Variants in RSBN1 observed in about 807,000 individuals in gnomAD.
RSBN1 encodes the protein lysine-specific demethylase 9.
A neutral mutation model predicts 74.8 loss-of-function variants in RSBN1; 23 were observed. The observed-to-expected ratio is 0.31, with a 90% CI of 0.22 to 0.44. The LOEUF is 0.44. RSBN1 is among the 20% of genes least tolerant of loss of function. The pLI is 1.00. For synonymous variants in RSBN1, 407 were observed against 379.6 expected (o/e 1.07, Z -0.84); for missense variants, 808 against 1,020.9 (o/e 0.79, Z 2.84).
chr1:113,786,338 C>T (rs1284320803), intron 2 of RSBN1, among the ~76,000 whole-genome samples: 1 of 152,128 alleles, frequency 6.6e-6, no homozygotes, highest in Non-Finnish European at 1.5e-5. Context: ...AGAACCTAAC[C>T]CCTAGAACCT....
At chr1:113,811,052 G>A (rs1660830259) in intron 1 of RSBN1, among the ~76,000 whole-genome samples, 2 of 152,140 alleles carry the variant, frequency 1.3e-5, no homozygotes, top group African/African-American at 4.8e-5. Flanking sequence ...ACTATCTACT[G>A]CACAAATTCC....
At chr1:113,805,503 ATC>A (rs1390314681) in intron 1 of RSBN1, among the ~76,000 whole-genome samples, 1 of 152,210 alleles carries the variant, frequency 6.6e-6, no homozygotes, top group Non-Finnish European at 1.5e-5. Flanking sequence ...GCATTTAAAT[ATC>A]TCTGTTAAAT....
At chr1:113,774,120 T>C (rs1180328625) in intron 4 of RSBN1, among the ~76,000 whole-genome samples, 1 of 152,080 alleles carries the variant, frequency 6.6e-6, no homozygotes, top group African/African-American at 2.4e-5. Context: ...GACTTGAGGG[T>C]CAGGGGAGGT....
intron 2 of RSBN1, among the ~76,000 whole-genome samples, chr1:113,795,073 G>C (rs41469244): frequency 0.013 from 2,013 of 152,216 alleles, 48 homozygotes; most frequent in African/African-American, 0.046. Context: ...AATTCCCAAC[G>C]ATCTAAAGGG....
intron 1 of RSBN1, among the ~76,000 whole-genome samples, chr1:113,809,013 C>T (rs1280636786): frequency 6.6e-6 from 1 of 151,558 alleles, no homozygotes; most frequent in Admixed American, 6.6e-5. Flanking sequence ...AAGGACTTGA[C>T]TATGTTTGCA....
In RSBN1 at chr1:113,777,195, A is replaced by T. The variant is rs1047739009; in HGVS notation, c.1658+15T>A. The T allele has an allele frequency of 2.5e-6, 4 of 1,598,394 alleles. No individual in the cohort carries two copies. The highest frequency in any genetic ancestry group is 3.4e-6 in the Non-Finnish European group (4 of 1,172,340). On this transcript the variant is annotated intron_variant, in intron 4 of 6. Coordinates refer to ENST00000261441, the MANE Select transcript of RSBN1 (RefSeq NM_018364.5). ...AAAAAGTAGTTTTGCTTATTTGAGA[A>T]AAAGAAATATTTACCGTCGTCTTTT...
chr1:113,785,905 C>T (rs1480340765), intron 2 of RSBN1, among the ~76,000 whole-genome samples: 1 of 152,210 alleles, frequency 6.6e-6, no homozygotes, highest in Non-Finnish European at 1.5e-5. Context: ...TAGAAGATCA[C>T]ATCAAGGATT....
Position 113,763,917 on chromosome 1 carries a change from G to A in RSBN1, c.*2063C>T, listed in dbSNP as rs749685298. 6.6e-6 allele frequency: 1 copy of A among 152,312 alleles called. No homozygotes were observed. The highest frequency in any genetic ancestry group is 1.5e-5 in the Non-Finnish European group (1 of 67,976). The allele number at this position is 152,312 out of a possible 1,614,324, so 9.4% of individuals were successfully genotyped here. A position where few individuals can be genotyped will look rare whatever the true frequency, so the allele number is the denominator to read the frequency against. On this transcript the variant is annotated 3_prime_UTR_variant, in exon 7 of 7. Coordinates refer to ENST00000261441, the MANE Select transcript of RSBN1 (RefSeq NM_018364.5). Reference sequence around the variant, plus strand: ...ATGGCAAGTGGGAGATGGGGAAATCGGATCTTGGAAGACAAGAAAAAATTA... The same window carrying A: ...ATGGCAAGTGGGAGATGGGGAAATCAGATCTTGGAAGACAAGAAAAAATTA...
Position 113,812,310 on chromosome 1 carries a change from C to A in RSBN1, c.103G>T (p.Gly35Trp), listed in dbSNP as rs139244607. The A allele has an allele frequency of 5.0e-5, 81 of 1,604,130 alleles. No individual in the cohort carries two copies. The highest frequency in any genetic ancestry group is 3.3e-4 in the Middle Eastern group (2 of 6,084). ...ARAALARCAD[G>W]GAVGPFKCVF... ...CATTTAAATGGCCCGACCGCCCCCC[C>A]GTCCGCGCATCGCGCAAGCGCCGCC... is the stretch of plus-strand genomic sequence containing the variant. The change falls in exon 1 of 7, where the codon GGG becomes TGG. Residue 35 changes from glycine to tryptophan, a missense_variant. Gly to Trp is a radical substitution (Grantham distance 184). Coordinates refer to ENST00000261441, the MANE Select transcript of RSBN1 (RefSeq NM_018364.5).
At chr1:113,783,787 G>A (rs1228654729) in intron 2 of RSBN1, among the ~76,000 whole-genome samples, 1 of 152,140 alleles carries the variant, frequency 6.6e-6, no homozygotes. Flanking sequence ...CAGTAGGAAC[G>A]ACAAAAATTA....
At chr1:113,795,942 G>A (rs991528012) in intron 2 of RSBN1, among the ~76,000 whole-genome samples, 3 of 152,098 alleles carry the variant, frequency 2.0e-5, no homozygotes, top group Non-Finnish European at 4.4e-5. Context: ...TCTATCAAAA[G>A]AGAAAATTTG....
rs551324344 is a variant in RSBN1 at position 113,762,453 on chromosome 1, A to G, written c.*3527T>C. ...ATTTCCTCTACTTGCATGGCCAATA[A>G]ATACAGCTACGACCTGTTTGAAAAA... On this transcript the variant is annotated 3_prime_UTR_variant, in exon 7 of 7. Transcript: ENST00000261441. The G allele has an allele frequency of 1.3e-5, 2 of 152,594 alleles. No individual in the cohort carries two copies. Among genetic ancestry groups the G allele is most frequent in the Admixed American group, 1.3e-4 (2 of 15,300 alleles). 9.5% of individuals were successfully genotyped at this position (152,594 alleles called of 1,614,324 possible).
intron 2 of RSBN1, among the ~76,000 whole-genome samples, chr1:113,778,472 A>AT (rs903805630): frequency 4.6e-5 from 7 of 151,334 alleles, no homozygotes; most frequent in African/African-American, 7.3e-5. Context: ...TAATTTTTGT[A>AT]TTTTTTTAGT....
intron 2 of RSBN1, among the ~76,000 whole-genome samples, chr1:113,793,659 A>G (rs1660413411): frequency 6.7e-6 from 1 of 150,268 alleles, no homozygotes; most frequent in South Asian, 2.1e-4. Context: ...GGATCCATAC[A>G]TTCAATTCCT....
intron 1 of RSBN1, among the ~76,000 whole-genome samples, chr1:113,807,409 A>T (rs1349030721): frequency 6.6e-6 from 1 of 152,264 alleles, no homozygotes; most frequent in Admixed American, 6.5e-5. Context: ...TGCAAACCAT[A>T]CAAAGAAGCT....
chr1:113,808,798 G>A (rs1157729588), intron 1 of RSBN1, among the ~76,000 whole-genome samples: 1 of 152,192 alleles, frequency 6.6e-6, no homozygotes, highest in Non-Finnish European at 1.5e-5. Context: ...AGGGACAGTA[G>A]AGAGACAGAG....
chr1:113,798,161 G>A (rs1474029996), intron 1 of RSBN1, 125 bp from the exon 2 acceptor site: 10 of 775,148 alleles, frequency 1.3e-5, no homozygotes, highest in African/African-American at 3.5e-5. Context: ...TACAACTTAC[G>A]TGTTTAGAAA....
At chr1:113,777,862 T>C in intron 2 of RSBN1, 54 bp from the exon 3 acceptor site, 3 of 1,419,230 alleles carry the variant, frequency 2.1e-6, no homozygotes, top group Non-Finnish European at 2.8e-6. Context: ...ATAATATAAT[T>C]AAAGAATTAA....
At chr1:113,768,549 C>T (rs1429092177) in intron 4 of RSBN1, among the ~76,000 whole-genome samples, 160 bp from the exon 5 acceptor site, 2 of 152,136 alleles carry the variant, frequency 1.3e-5, no homozygotes, top group Admixed American at 6.5e-5. Flanking sequence ...TAGCATTTAA[C>T]ACACTATATT....
Sources: allele counts gnomAD v4.1 joint callset (sites outside exome capture counted in the v4.1 genomes callset), GRCh38; gene constraint gnomAD v4.1.1; transcripts MANE v1.5; gene names NCBI Gene and HGNC (gene_info 2026-07-23, HGNC 2026-07-21).